Variants in PVT1 observed in about 807,000 individuals in gnomAD.
PVT1 encodes the protein CXCR4/PVT1 fusion.
intron 3 of PVT1, among the ~76,000 whole-genome samples, chr8:127,962,870 A>G (rs1816661340): frequency 1.3e-5 from 2 of 152,150 alleles, no homozygotes; most frequent in Non-Finnish European, 1.5e-5. Flanking sequence ...TGCTGGGATT[A>G]CAGGCATGAG....
chr8:127,800,349 C>T (rs1814449382), intron 2 of PVT1, among the ~76,000 whole-genome samples: 2 of 152,132 alleles, frequency 1.3e-5, no homozygotes, highest in Admixed American at 1.3e-4. Context: ...TCCCTGCCCT[C>T]CTGAAGCTTC....
At chr8:127,881,350 A>G (rs1815464289) in intron 2 of PVT1, among the ~76,000 whole-genome samples, 1 of 151,306 alleles carries the variant, frequency 6.6e-6, no homozygotes, top group Non-Finnish European at 1.5e-5. Context: ...TCCAGTGGAC[A>G]CATGTTTCTA....
chr8:128,051,855 G>T (rs943756086), intron 4 of PVT1, among the ~76,000 whole-genome samples: 3 of 151,930 alleles, frequency 2.0e-5, no homozygotes, highest in African/African-American at 4.8e-5. Context: ...TGATTTTGTT[G>T]TTTATGTTCT....
chr8:127,890,738 T>C (rs1815590467), exon 3 of PVT1: 3 of 152,210 alleles, frequency 2.0e-5, no homozygotes, highest in African/African-American at 7.2e-5. Flanking sequence ...GGTGGAACCA[T>C]GCACTGGAAT....
At chr8:128,051,235 T>A (rs935253549) in intron 4 of PVT1, among the ~76,000 whole-genome samples, 3 of 152,210 alleles carry the variant, frequency 2.0e-5, no homozygotes, top group African/African-American at 7.2e-5. Flanking sequence ...GTGAGGAGGT[T>A]GCATTATTGG....
chr8:127,931,887 G>T (rs1007975370), intron 3 of PVT1, among the ~76,000 whole-genome samples: 10 of 152,252 alleles, frequency 6.6e-5, no homozygotes, highest in African/African-American at 2.4e-4. Context: ...TGCCTATTAT[G>T]TAAGGCCCTG....
At chr8:128,021,579 A>T (rs112668483) in intron 4 of PVT1, among the ~76,000 whole-genome samples, 2 of 152,040 alleles carry the variant, frequency 1.3e-5, no homozygotes, top group African/African-American at 2.4e-5. Flanking sequence ...AGGCGTGAGC[A>T]ACCGCGCCCG....
chr8:128,067,215 A>G (rs1241674959), intron 4 of PVT1, among the ~76,000 whole-genome samples: 1 of 152,196 alleles, frequency 6.6e-6, no homozygotes, highest in East Asian at 1.9e-4. Context: ...TATACACTCA[A>G]GGAATGGCCT....
intron 3 of PVT1, among the ~76,000 whole-genome samples, chr8:127,896,097 C>T (rs574243578): frequency 2.6e-5 from 4 of 152,272 alleles, no homozygotes; most frequent in South Asian, 2.1e-4. Context: ...GCAGTATATG[C>T]GCAGTGCTTT....
At chr8:127,949,401 G>T (rs866962017) in intron 3 of PVT1, among the ~76,000 whole-genome samples, 1 of 151,160 alleles carries the variant, frequency 6.6e-6, no homozygotes, top group African/African-American at 2.4e-5. Flanking sequence ...GTGTGTGTGT[G>T]TGTGTGTGTG....
At chr8:127,832,759 G>A (rs983582180) in intron 2 of PVT1, among the ~76,000 whole-genome samples, 28 of 152,328 alleles carry the variant, frequency 1.8e-4, no homozygotes, top group Admixed American at 1.6e-3. Context: ...TTGGGAGGCT[G>A]AGGCAGGAGA....
chr8:127,900,149 C>T (rs1347706756), intron 3 of PVT1, among the ~76,000 whole-genome samples: 1 of 152,166 alleles, frequency 6.6e-6, no homozygotes, highest in African/African-American at 2.4e-5. Context: ...TCAAGCGATT[C>T]TCCTGCCTCA....
At chr8:128,047,048 T>C (rs147888848) in intron 4 of PVT1, among the ~76,000 whole-genome samples, 176 of 152,340 alleles carry the variant, frequency 1.2e-3, no homozygotes, top group African/African-American at 3.7e-3. Flanking sequence ...GGAGTCATAC[T>C]CTCTTTATCT....
intron 4 of PVT1, among the ~76,000 whole-genome samples, chr8:128,067,248 A>G (rs1813921800): frequency 6.6e-6 from 1 of 152,164 alleles, no homozygotes; most frequent in Admixed American, 6.5e-5. Context: ...TTCTCACTGC[A>G]ACGTCTTGGT....
chr8:127,802,624 T>G (rs1397056751), intron 2 of PVT1, among the ~76,000 whole-genome samples: 1 of 152,260 alleles, frequency 6.6e-6, no homozygotes, highest in Non-Finnish European at 1.5e-5. Flanking sequence ...TTTTTCTAAC[T>G]TTATGGCTAC....
chr8:127,820,106 A>G (rs1323996860), intron 2 of PVT1, among the ~76,000 whole-genome samples: 1 of 152,174 alleles, frequency 6.6e-6, no homozygotes, highest in Non-Finnish European at 1.5e-5. Context: ...TGAGCCTGGA[A>G]GAGAAGTATG....
At chr8:127,861,249 G>A (rs1341432481) in intron 2 of PVT1, among the ~76,000 whole-genome samples, 2 of 152,124 alleles carry the variant, frequency 1.3e-5, no homozygotes, top group East Asian at 1.9e-4. Flanking sequence ...AAGTGGCACA[G>A]TTGGGCCACT....
At chr8:127,870,493 A>G (rs1352057312) in intron 2 of PVT1, among the ~76,000 whole-genome samples, 1 of 152,216 alleles carries the variant, frequency 6.6e-6, no homozygotes, top group East Asian at 1.9e-4. Context: ...AAACTAAGAC[A>G]GTAGCCAACA....
At chr8:127,991,165 C>T (rs6995132) in intron 4 of PVT1, among the ~76,000 whole-genome samples, 36,426 of 121,042 alleles carry the variant, frequency 0.3, 5,123 homozygotes, top group East Asian at 0.45. Flanking sequence ...TTTTTTGAGA[C>T]GGAATCTTGC....
Sources: allele counts gnomAD v4.1 joint callset (sites outside exome capture counted in the v4.1 genomes callset), GRCh38; gene constraint gnomAD v4.1.1; transcripts MANE v1.5; gene names NCBI Gene and HGNC (gene_info 2026-07-23, HGNC 2026-07-21).